Variants in LTBP2 observed in about 807,000 individuals in gnomAD.
LTBP2 encodes latent-transforming growth factor beta-binding protein 2.
A neutral mutation model predicts 210.6 loss-of-function variants in LTBP2; 103 were observed. The observed-to-expected ratio is 0.49, with a 90% CI of 0.42 to 0.58. The LOEUF is 0.58. Ranked by LOEUF, LTBP2 falls within the 20% of genes least tolerant of loss-of-function variation. The pLI, the probability that LTBP2 is intolerant of heterozygous loss-of-function variation, is 0.00. For missense variants in LTBP2, 2,313 were observed against 2,494.5 expected, an observed-to-expected ratio of 0.93 and a Z score of 1.55; for synonymous variants, 1,007 against 1,015.0, an observed-to-expected ratio of 0.99 and a Z score of 0.15.
At chr14:74,522,653 T>C in intron 16 of LTBP2, 137 bp downstream of exon 16, 1 of 1,042,622 alleles carries the variant, frequency 9.6e-7, no homozygotes, top group Non-Finnish European at 1.3e-6. Flanking sequence ...CCACAGGGAC[T>C]GTGCTCCTCC....
rs924085414 is a variant in LTBP2 at position 74,508,897 on chromosome 14, G to A, written c.3459C>T (p.Asn1153=). The A allele has an allele frequency of 5.0e-6, 8 of 1,613,808 alleles. No homozygotes were observed. The highest frequency in any genetic ancestry group is 1.3e-5 in the African/African-American group (1 of 75,022). ...AGAGGCACTGGTAGGAGCCCACAGTGTTCTTGCACTCGCCTCCCAGGCAGC... is the reference window on the plus strand; with the variant it reads ...AGAGGCACTGGTAGGAGCCCACAGTATTCTTGCACTCGCCTCCCAGGCAGC... ...QSSCLGGECK[N]TVGSYQCLCP... is the part of the protein sequence containing the mutation. Residue 1153 remains asparagine (N), a synonymous_variant, in exon 23 of 36, where the codon AAC becomes AAT. Transcript: ENST00000261978.
intron 3 of LTBP2, among the ~76,000 whole-genome samples, chr14:74,568,054 G>GGCC (rs2087927299): frequency 6.6e-6 from 1 of 152,124 alleles, no homozygotes; most frequent in Non-Finnish European, 1.5e-5. Flanking sequence ...GGTAGGGAGA[G>GGCC]GCCGAGCATA....
intron 3 of LTBP2, among the ~76,000 whole-genome samples, chr14:74,571,132 T>A (rs2087970723): frequency 6.6e-6 from 1 of 151,550 alleles, no homozygotes; most frequent in Non-Finnish European, 1.5e-5. Flanking sequence ...AGGAGTTCGA[T>A]ACCAGCCTGG....
intron 3 of LTBP2, among the ~76,000 whole-genome samples, chr14:74,557,559 A>G (rs1200486189): frequency 6.6e-6 from 1 of 152,208 alleles, no homozygotes; most frequent in Non-Finnish European, 1.5e-5. Flanking sequence ...GTATTTATTT[A>G]CCACTTGTGA....
chr14:74,516,385 G>T (rs2087135696), intron 18 of LTBP2, among the ~76,000 whole-genome samples: 1 of 48,320 alleles, frequency 2.1e-5, no homozygotes, highest in Non-Finnish European at 4.0e-5. Flanking sequence ...CCTTCCTCTA[G>T]CATTTATTGG....
chr14:74,607,124 A>C (rs2088537965), intron 1 of LTBP2, among the ~76,000 whole-genome samples: 1 of 152,210 alleles, frequency 6.6e-6, no homozygotes, highest in East Asian at 1.9e-4. Flanking sequence ...AGGCATTTTA[A>C]GTTTACAGAT....
At position 74,552,441 on chromosome 14, in the gene LTBP2, C is replaced by CA. The variant is rs1162549360; in HGVS notation, c.1193-49_1193-48insT. On this transcript the variant is annotated intron_variant, in intron 5 of 35. Transcript: ENST00000261978. The stretch of plus-strand genomic sequence containing the variant: ...AACCAGCGGTGGAAGAACAGCAGCA[C>CA]CCGCTCTGTGGCTGGTGACCACCAC... The CA allele has an allele frequency of 2.6e-6, 4 of 1,546,430 alleles. No homozygotes were observed. The African/African-American group carries it at 5.4e-5, about 21-fold the overall frequency.
chr14:74,554,878 C>A (rs1045476258), intron 4 of LTBP2, among the ~76,000 whole-genome samples: 20 of 151,490 alleles, frequency 1.3e-4, no homozygotes, highest in Non-Finnish European at 2.2e-4. Flanking sequence ...CAGATGTAAA[C>A]AGGGTAGTGG....
chr14:74,508,839 C>A lies in LTBP2; in HGVS notation c.3517G>T (p.Val1173Leu). Residue 1173 changes from valine (V) to leucine (L), a missense_variant, in exon 23 of 36, where the codon GTG (valine) becomes TTG (leucine). This residue lies in a region of LTBP2 where 1,867 missense variants were observed against 1,976.9 expected (regional missense o/e 0.94). Coordinates refer to ENST00000261978, the MANE Select transcript of LTBP2 (RefSeq NM_000428.3). ...PQGFQLANGTVCEDVNECMGE... is the reference protein window; with the variant it reads ...PQGFQLANGTLCEDVNECMGE... ...GACCTGGGTCACTCACCCTCACACA[C>A]GGTGCCATTGGCCAGCTGGAAGCCC... 6.2e-7 allele frequency: 1 copy of A among 1,613,788 alleles called. No homozygotes were observed. Among genetic ancestry groups the A allele is most frequent in the South Asian group, 1.1e-5 (1 of 91,084 alleles).
At chr14:74,564,161 A>T (rs1415880997) in intron 3 of LTBP2, among the ~76,000 whole-genome samples, 3 of 39,200 alleles carry the variant, frequency 7.7e-5, no homozygotes, top group African/African-American at 1.1e-4. Context: ...TTATATATAT[A>T]TTTATATATA....
intron 1 of LTBP2, among the ~76,000 whole-genome samples, chr14:74,607,398 T>C (rs1279131899): frequency 6.6e-6 from 1 of 152,226 alleles, no homozygotes; most frequent in Non-Finnish European, 1.5e-5. Flanking sequence ...TTTCAACTTA[T>C]GATAATGATA....
At chr14:74,594,819 C>T (rs2088335436) in intron 2 of LTBP2, among the ~76,000 whole-genome samples, 1 of 152,218 alleles carries the variant, frequency 6.6e-6, no homozygotes, top group South Asian at 2.1e-4. Flanking sequence ...AATCCACCCT[C>T]GGAATCCACC....
At chr14:74,548,741 T>C (rs2087609922) in intron 8 of LTBP2, among the ~76,000 whole-genome samples, 1 of 152,214 alleles carries the variant, frequency 6.6e-6, no homozygotes, top group Non-Finnish European at 1.5e-5. Context: ...ATTGACCTAA[T>C]ACTAAGCATG....
rs192195745 is a variant in LTBP2 at position 74,550,940 on chromosome 14, T to G, written c.1686+124A>C. On this transcript the variant is annotated intron_variant, in intron 7 of 35. Transcript: ENST00000261978. Reference sequence around the variant, plus strand: ...GCCTTGGGTTTTCCCATCTGGGAAATGGGAGAGTCTGCAGACACTCACATT... The same window carrying G: ...GCCTTGGGTTTTCCCATCTGGGAAAGGGGAGAGTCTGCAGACACTCACATT... The G allele has an allele frequency of 1.8e-4, 225 of 1,266,454 alleles. No homozygotes were observed. In the African/African-American group the frequency reaches 2.8e-3, roughly 16 times the overall value. The allele number at this position is 1,266,454 out of a possible 1,614,324, so 78.5% of individuals were successfully genotyped here. A position where few individuals can be genotyped will look rare whatever the true frequency, so the allele number is the denominator to read the frequency against.
chr14:74,605,883 T>A (rs1255480550), intron 1 of LTBP2, among the ~76,000 whole-genome samples: 2 of 152,130 alleles, frequency 1.3e-5, no homozygotes, highest in African/African-American at 4.8e-5. Context: ...GAGGCCAGGC[T>A]GGGGCTGGTA....
chr14:74,606,954 A>G (rs4903247), intron 1 of LTBP2, among the ~76,000 whole-genome samples: 51,632 of 151,906 alleles, frequency 0.34, 10,468 homozygotes, highest in Non-Finnish European at 0.46. Context: ...GTCTCAGGTC[A>G]TTGGTTGTAT....
chr14:74,537,212 T>C (rs543190993), intron 8 of LTBP2, among the ~76,000 whole-genome samples: 1 of 148,946 alleles, frequency 6.7e-6, no homozygotes, highest in Non-Finnish European at 1.5e-5. Context: ...GAAAAAAATC[T>C]CCATTACTTT....
chr14:74,506,880 C>CGTGTGTGCGCGCGT (rs111988741), intron 26 of LTBP2, 57 bp from the exon 27 acceptor site: 1 of 1,441,364 alleles, frequency 6.9e-7, no homozygotes, highest in African/African-American at 1.4e-5. Context: ...TGTGTGTGTG[C>CGTGTGTGCGCGCGT]GCGCGCGCGT....
rs2139696941 is a variant in LTBP2, at chr14:74,510,080, C to T, written c.3151+11G>A. On this transcript the variant is annotated intron_variant, in intron 20 of 35. Transcript: ENST00000261978. ...GGCCTGCGGAGAAGGGGCGCTTCAG[C>T]ATCTCTGTACCTTGGCAGCCCTTCT... 1 of 1,614,006 alleles carries T rather than the reference C, an allele frequency of 6.2e-7. No individual in the cohort carries two copies. Among genetic ancestry groups the T allele is most frequent in the South Asian group, 1.1e-5 (1 of 91,086 alleles).
Sources: allele counts gnomAD v4.1 joint callset (sites outside exome capture counted in the v4.1 genomes callset), GRCh38; gene constraint gnomAD v4.1.1; regional missense constraint gnomAD v4.1.1; transcripts MANE v1.5; gene names NCBI Gene and HGNC (gene_info 2026-07-23, HGNC 2026-07-21).